LRRTM4: variants seen among roughly 807,000 people sequenced by gnomAD.
LRRTM4 encodes leucine rich repeat transmembrane neuronal 4, also known as leucine-rich repeat transmembrane neuronal protein 4.
In LRRTM4, 25 loss-of-function variants were observed where a neutral mutation model predicts 47.6. That is an observed-to-expected ratio of 0.53 (90% CI 0.38 to 0.73). The LOEUF is 0.73. Ranked by LOEUF, LRRTM4 falls within the 30% of genes least tolerant of loss-of-function variation. The pLI is 0.00. For synonymous variants in LRRTM4, 311 were observed against 269.5 expected (o/e 1.15, Z -1.51); for missense variants, 638 against 713.4 (o/e 0.89, Z 1.20).
intron 3 of LRRTM4, among the ~76,000 whole-genome samples, chr2:76,807,443 T>TAC (rs1553412637): frequency 1.0e-5 from 1 of 99,502 alleles, no homozygotes; most frequent in Non-Finnish European, 1.8e-5. Context: ...TATACGTATA[T>TAC]ACATATATAT....
chr2:76,916,364 G>A (rs1368055116), intron 3 of LRRTM4, among the ~76,000 whole-genome samples: 2 of 114,822 alleles, frequency 1.7e-5, no homozygotes, highest in Non-Finnish European at 3.2e-5. Flanking sequence ...CAGCCTGGGC[G>A]ACAGAGCGAG....
chr2:77,025,381 A>G (rs539861116), intron 3 of LRRTM4, among the ~76,000 whole-genome samples: 2 of 152,220 alleles, frequency 1.3e-5, no homozygotes, highest in Non-Finnish European at 2.9e-5. Context: ...CACAGGAAAA[A>G]TCTTGGAGGA....
intron 3 of LRRTM4, among the ~76,000 whole-genome samples, chr2:77,301,080 T>A (rs1677123067): frequency 6.6e-6 from 1 of 152,074 alleles, no homozygotes; most frequent in Non-Finnish European, 1.5e-5. Context: ...CTAGTTTATC[T>A]AGAGTTAACA....
At chr2:77,470,322 A>G (rs1677140711) in intron 3 of LRRTM4, among the ~76,000 whole-genome samples, 1 of 152,204 alleles carries the variant, frequency 6.6e-6, no homozygotes, top group Non-Finnish European at 1.5e-5. Flanking sequence ...GATGGACTTA[A>G]GAATTTTGGA....
chr2:77,366,104 A>G (rs772299414), intron 3 of LRRTM4, among the ~76,000 whole-genome samples: 6 of 151,682 alleles, frequency 4.0e-5, no homozygotes, highest in Non-Finnish European at 8.8e-5. Context: ...TGAATCTCCT[A>G]GTCATAGACA....
chr2:76,966,613 T>A (rs1210311657), intron 3 of LRRTM4, among the ~76,000 whole-genome samples: 1 of 151,510 alleles, frequency 6.6e-6, no homozygotes, highest in Non-Finnish European at 1.5e-5. Flanking sequence ...CCTTTGTAAG[T>A]AATTTCTTGG....
chr2:77,189,632 A>C lies in LRRTM4; in HGVS notation c.1551+328686T>G, dbSNP rs565910014. On this transcript the variant is annotated intron_variant, in intron 3 of 3. Coordinates refer to ENST00000409884, the MANE Select transcript of LRRTM4 (RefSeq NM_001134745.3). ...ATCATCAGAACCCAACCATGCCGGC[A>C]CCGTGATCTTACACTTCCAGTCTTC... 1.3e-4 allele frequency among the ~76,000 whole-genome samples: 20 copies of C among 149,716 alleles called. No homozygotes were observed. In the South Asian group the frequency reaches 4.3e-3, roughly 32 times the overall value.
At chr2:76,942,087 G>C (rs2103863598) in intron 3 of LRRTM4, among the ~76,000 whole-genome samples, 1 of 152,264 alleles carries the variant, frequency 6.6e-6, no homozygotes, top group South Asian at 2.1e-4. Context: ...TGTTTCATCT[G>C]TTTGTTGTCC....
chr2:77,386,811 G>C (rs2103805236), intron 3 of LRRTM4, among the ~76,000 whole-genome samples: 1 of 152,156 alleles, frequency 6.6e-6, no homozygotes, highest in East Asian at 1.9e-4. Flanking sequence ...AGGGGAGGGA[G>C]AGCATTAGGA....
At chr2:76,993,053 G>C (rs1677069281) in intron 3 of LRRTM4, among the ~76,000 whole-genome samples, 1 of 151,866 alleles carries the variant, frequency 6.6e-6, no homozygotes, top group Non-Finnish European at 1.5e-5. Flanking sequence ...CTGGTGCTTG[G>C]ATACCTGGCT....
At chr2:77,294,047 A>G (rs1484781852) in intron 3 of LRRTM4, among the ~76,000 whole-genome samples, 1 of 152,196 alleles carries the variant, frequency 6.6e-6, no homozygotes, top group African/African-American at 2.4e-5. Context: ...TGTATACCAC[A>G]TAGATGCATG....
At chr2:77,460,423 T>G (rs559835268) in intron 3 of LRRTM4, among the ~76,000 whole-genome samples, 46 of 152,230 alleles carry the variant, frequency 3.0e-4, no homozygotes, top group Middle Eastern at 3.4e-3. Context: ...AAGAGAGAAG[T>G]CATTATAGCT....
intron 3 of LRRTM4, among the ~76,000 whole-genome samples, chr2:77,097,463 A>G (rs186659998): frequency 6.6e-6 from 1 of 152,066 alleles, no homozygotes. Context: ...GCCAATCCGT[A>G]AAATCATGTT....
At chr2:76,848,921 C>G (rs1249466461) in intron 3 of LRRTM4, among the ~76,000 whole-genome samples, 5 of 152,048 alleles carry the variant, frequency 3.3e-5, no homozygotes, top group Non-Finnish European at 4.4e-5. Flanking sequence ...TGGGCATAAG[C>G]TACACCAAAC....
chr2:77,041,380 G>A (rs914795189), intron 3 of LRRTM4, among the ~76,000 whole-genome samples: 1 of 151,402 alleles, frequency 6.6e-6, no homozygotes, highest in Non-Finnish European at 1.5e-5. Context: ...ATAGACATGG[G>A]AGTACAGGTA....
At chr2:76,797,130 C>T (rs1300910868) in intron 3 of LRRTM4, among the ~76,000 whole-genome samples, 1 of 151,984 alleles carries the variant, frequency 6.6e-6, no homozygotes, top group Non-Finnish European at 1.5e-5. Context: ...CAAAGATACT[C>T]CTCGAGAAGA....
chr2:76,948,876 T>C (rs1172732504), intron 3 of LRRTM4, among the ~76,000 whole-genome samples: 1 of 151,856 alleles, frequency 6.6e-6, no homozygotes, highest in Non-Finnish European at 1.5e-5. Flanking sequence ...ATTTTGTACA[T>C]TTTATGAGAA....
At chr2:77,259,059 A>G (rs1675845957) in intron 3 of LRRTM4, among the ~76,000 whole-genome samples, 1 of 152,034 alleles carries the variant, frequency 6.6e-6, no homozygotes, top group South Asian at 2.1e-4. Context: ...TTGACCAGAA[A>G]TCAGTGTGGA....
intron 3 of LRRTM4, among the ~76,000 whole-genome samples, chr2:76,794,387 G>C (rs1364625969): frequency 6.6e-6 from 1 of 152,168 alleles, no homozygotes; most frequent in African/African-American, 2.4e-5. Flanking sequence ...TACCACTACA[G>C]TCCCTAAATA....
Sources: gnomAD v4.1 joint callset for allele counts (sites outside exome capture counted in the v4.1 genomes callset) on GRCh38, gnomAD v4.1.1 for gene constraint, MANE v1.5 for transcripts, NCBI Gene and HGNC (gene_info 2026-07-23, HGNC 2026-07-21) for gene names.